Variants in CCBE1 observed in about 807,000 individuals in gnomAD.
The protein encoded by CCBE1 is collagen and calcium-binding EGF domain-containing protein 1.
Under a neutral mutation model 50.0 loss-of-function variants are expected in CCBE1, and 37 were observed. The ratio of observed to expected loss-of-function variants is 0.74; its 90% CI spans 0.57 to 0.97. CCBE1 has a LOEUF of 0.97. Ranked by LOEUF, CCBE1 falls within the 50% of genes least tolerant of loss-of-function variation. CCBE1 has a pLI of 0.00. For synonymous variants in CCBE1, 234 were observed against 203.7 expected (o/e 1.15, Z -1.27); for missense variants, 538 against 523.8 (o/e 1.03, Z -0.26).
chr18:59,513,996 G>C (rs1430885592), intron 2 of CCBE1, among the ~76,000 whole-genome samples: 1 of 152,160 alleles, frequency 6.6e-6, no homozygotes, highest in Non-Finnish European at 1.5e-5. Context: ...GACCCCAGTA[G>C]CCACAACGAG....
chr18:59,448,196 T>C lies in CCBE1; in HGVS notation c.655-93A>G. 4 of 1,547,356 alleles carry C rather than the reference T, an allele frequency of 2.6e-6. No homozygotes were observed. In the East Asian group the frequency reaches 6.8e-5, roughly 26 times the overall value. ...TGGGAGAAGCTGCAAAGCCTTTTCA[T>C]GAGACATATGTATATACTTTTTACT... On this transcript the variant is annotated intron_variant, in intron 6 of 10. Transcript: ENST00000439986.
At chr18:59,648,058 A>C (rs1312084973) in intron 2 of CCBE1, among the ~76,000 whole-genome samples, 1 of 152,256 alleles carries the variant, frequency 6.6e-6, no homozygotes, top group Admixed American at 6.5e-5. Flanking sequence ...ATGAAGGTCA[A>C]AATGAGAAAA....
At chr18:59,506,438 A>G (rs188067326) in intron 2 of CCBE1, among the ~76,000 whole-genome samples, 2 of 152,356 alleles carry the variant, frequency 1.3e-5, no homozygotes, top group African/African-American at 4.8e-5. Flanking sequence ...GAAGCCCAAG[A>G]AAACTAAGAC....
chr18:59,696,763 G>A (rs902431654), intron 1 of CCBE1, 54 bp from the exon 2 acceptor site: 22 of 1,580,154 alleles, frequency 1.4e-5, no homozygotes, highest in Non-Finnish European at 1.8e-5. Flanking sequence ...GCGGAGGCGG[G>A]CAGCGCGCGC....
chr18:59,445,646 C>T (rs1013016943), intron 7 of CCBE1, among the ~76,000 whole-genome samples: 23 of 152,330 alleles, frequency 1.5e-4, no homozygotes, highest in African/African-American at 5.3e-4. Flanking sequence ...TCCATCCAAA[C>T]ATGTCTCACA....
intron 2 of CCBE1, among the ~76,000 whole-genome samples, chr18:59,649,747 A>C (rs953350275): frequency 6.6e-6 from 1 of 152,218 alleles, no homozygotes; most frequent in African/African-American, 2.4e-5. Context: ...CTCACAACAC[A>C]AAAGTAAAAG....
intron 2 of CCBE1, among the ~76,000 whole-genome samples, chr18:59,611,493 A>G (rs201867674): frequency 1.3e-5 from 2 of 152,152 alleles, no homozygotes; most frequent in Non-Finnish European, 2.9e-5. Context: ...GCCTGTAACC[A>G]TAGCACTTTG....
intron 2 of CCBE1, among the ~76,000 whole-genome samples, chr18:59,573,608 C>T (rs985997925): frequency 6.6e-6 from 1 of 151,950 alleles, no homozygotes; most frequent in African/African-American, 2.4e-5. Context: ...GACATTCACA[C>T]TCTTTTCTCA....
intron 2 of CCBE1, among the ~76,000 whole-genome samples, chr18:59,639,010 T>C (rs1419291919): frequency 1.3e-5 from 2 of 152,208 alleles, no homozygotes; most frequent in East Asian, 1.9e-4. Context: ...ACTTGACTAA[T>C]TGTAAAATTT....
chr18:59,667,516 C>T (rs1488461614), intron 2 of CCBE1, among the ~76,000 whole-genome samples: 4 of 152,052 alleles, frequency 2.6e-5, no homozygotes, highest in East Asian at 3.9e-4. Context: ...GGGAAAGAGC[C>T]GGTGCAGGAA....
intron 2 of CCBE1, among the ~76,000 whole-genome samples, chr18:59,527,719 CT>C (rs1914884064): frequency 6.6e-6 from 1 of 152,250 alleles, no homozygotes; most frequent in African/African-American, 2.4e-5. Flanking sequence ...CTAAAAAATA[CT>C]TTATTTCTCC....
chr18:59,564,382 C>T lies in CCBE1; in HGVS notation c.213-84144G>A, dbSNP rs534409074. 2.6e-5 allele frequency among the ~76,000 whole-genome samples: 4 copies of T among 152,256 alleles called. No individual in the cohort carries two copies. The South Asian group carries it at 8.3e-4, about 32-fold the overall frequency. ...GAGATACTATATATATACACACACA[C>T]ATATAAACACTGTGTTTTTACTTTG... On this transcript the variant is annotated intron_variant, in intron 2 of 10. Transcript: ENST00000439986.
At chr18:59,645,048 G>A (rs1304872047) in intron 2 of CCBE1, among the ~76,000 whole-genome samples, 1 of 152,162 alleles carries the variant, frequency 6.6e-6, no homozygotes, top group Non-Finnish European at 1.5e-5. Context: ...GAGGTCAGGA[G>A]ATCGAGACCA....
At chr18:59,662,197 G>T (rs537955008) in intron 2 of CCBE1, among the ~76,000 whole-genome samples, 37 of 152,294 alleles carry the variant, frequency 2.4e-4, no homozygotes, top group African/African-American at 8.7e-4. Flanking sequence ...CTGCAGAAGG[G>T]TACTTGTTTA....
intron 2 of CCBE1, among the ~76,000 whole-genome samples, chr18:59,687,202 G>A (rs1386688327): frequency 1.3e-5 from 2 of 152,222 alleles, no homozygotes; most frequent in Non-Finnish European, 2.9e-5. Flanking sequence ...GGTCTGTGCT[G>A]GCTTACAGAT....
At chr18:59,522,834 T>C (rs1354936244) in intron 2 of CCBE1, among the ~76,000 whole-genome samples, 1 of 150,878 alleles carries the variant, frequency 6.6e-6, no homozygotes, top group African/African-American at 2.4e-5. Flanking sequence ...CTAAGAAAAA[T>C]ACAAAAAATT....
chr18:59,556,763 G>A lies in CCBE1; in HGVS notation c.213-76525C>T, dbSNP rs150958833. ...TGAGGTTTTTTGTTCCCACTGAAGTGGAAATGTCCAAGGAAAGAGGTATTC... is the reference window on the plus strand; with the variant it reads ...TGAGGTTTTTTGTTCCCACTGAAGTAGAAATGTCCAAGGAAAGAGGTATTC... On this transcript the variant is annotated intron_variant, in intron 2 of 10. Transcript: ENST00000439986. Among the ~76,000 whole-genome samples the A allele has an allele frequency of 5.4e-4, 82 of 152,324 alleles. No individual in the cohort carries two copies. The East Asian group carries it at 0.012, about 23-fold the overall frequency.
chr18:59,643,966 C>T (rs1467932798), intron 2 of CCBE1, among the ~76,000 whole-genome samples: 1 of 152,212 alleles, frequency 6.6e-6, no homozygotes, highest in Non-Finnish European at 1.5e-5. Flanking sequence ...CAGGCCCTCT[C>T]CCCCACCTCT....
intron 2 of CCBE1, among the ~76,000 whole-genome samples, chr18:59,642,396 C>T (rs767511046): frequency 6.6e-6 from 1 of 152,136 alleles, no homozygotes; most frequent in Admixed American, 6.5e-5. Flanking sequence ...TAAACTGACA[C>T]CACCACTGGA....
Sources: gnomAD v4.1 joint callset for allele counts (sites outside exome capture counted in the v4.1 genomes callset) on GRCh38, gnomAD v4.1.1 for gene constraint, MANE v1.5 for transcripts, NCBI Gene and HGNC (gene_info 2026-07-23, HGNC 2026-07-21) for gene names.